Variants in WFS1 observed in about 807,000 individuals in gnomAD.
WFS1 encodes the protein wolframin ER transmembrane glycoprotein, also known as wolframin.
In WFS1, 90 loss-of-function variants were observed where a neutral mutation model predicts 68.5. The observed-to-expected ratio is 1.31, with a 90% CI of 1.11 to 1.56. The LOEUF is 1.56. Ranked by LOEUF, WFS1 falls within the 40% of genes most tolerant of loss-of-function variation. WFS1 has a pLI of 0.00. For synonymous variants in WFS1, 860 were observed against 540.7 expected (o/e 1.59, Z -8.19); for missense variants, 1,767 against 1,232.6 (o/e 1.43, Z -6.49).
intron 2 of WFS1, among the ~76,000 whole-genome samples, chr4:6,286,634 G>A (rs1730315575): frequency 6.6e-6 from 1 of 152,214 alleles, no homozygotes. Context: ...GTTTTTGTTG[G>A]TACAATCATG....
In WFS1 at chr4:6,275,552, T is replaced by C. The variant is rs1323305335; in HGVS notation, c.-5-1899T>C. On this transcript the variant is annotated intron_variant, in intron 1 of 7. Transcript: ENST00000226760. ...TGCACCTGGGGGATGCACCCGGGGG[T>C]GCTTGACCATGCATGGTTTGCACCT... Among the ~76,000 whole-genome samples, 4 of 68,024 alleles carry C rather than the reference T, an allele frequency of 5.9e-5. No homozygotes were observed. The Admixed American group carries it at 7.2e-4, about 12-fold the overall frequency. The allele number at this position is 68,024 out of a possible 152,430, so 44.6% of individuals were successfully genotyped here. A position where few individuals can be genotyped will look rare whatever the true frequency, so the allele number is the denominator to read the frequency against.
chr4:6,287,195 C>T lies in WFS1; in HGVS notation c.315+20C>T, dbSNP rs1387024603. ...ACTGAGGTGAGGACTGCGGTGCCGG[C>T]AGGGACTTCGGGACGCGGCCCCCGG... On this transcript the variant is annotated intron_variant, in intron 3 of 7. Transcript: ENST00000226760. This position sits in a 1 kb window ranked among gnomAD's most constrained non-coding sequence, Gnocchi z 6.4. The T allele has an allele frequency of 1.3e-6, 2 of 1,551,230 alleles. No homozygotes were observed. Among genetic ancestry groups the T allele is most frequent in the African/African-American group, 2.7e-5 (2 of 73,320 alleles).
At chr4:6,270,178 G>C (rs138137996) in intron 1 of WFS1, among the ~76,000 whole-genome samples, 164 bp downstream of exon 1, 1 of 152,054 alleles carries the variant, frequency 6.6e-6, no homozygotes, top group African/African-American at 2.4e-5. Flanking sequence ...TTGGAGGGCC[G>C]GGGGTCCCGC....
rs764127854 is a variant in WFS1, at chr4:6,302,342, C to G, written c.2547C>G (p.Asn849Lys). Residue 849 changes from asparagine to lysine, a missense_variant, in exon 8 of 8, where the codon AAC becomes AAG. Asn to Lys is a moderately conservative substitution (Grantham distance 94). Transcript: ENST00000226760. Reference sequence around the variant, plus strand: ...AGCTCAAGGCCATCAGCTGCCTCAACTGCATGGCCCAGCTCTCACCCACCA... The same window carrying G: ...AGCTCAAGGCCATCAGCTGCCTCAAGTGCATGGCCCAGCTCTCACCCACCA... ...VFELKAISCL[N>K]CMAQLSPTRR... The G allele has an allele frequency of 1.2e-6, 2 of 1,612,720 alleles. No individual in the cohort carries two copies. The highest frequency in any genetic ancestry group is 2.2e-5 in the East Asian group (1 of 44,896).
At chr4:6,292,301 G>T (rs1199322114) in intron 6 of WFS1, among the ~76,000 whole-genome samples, 1 of 152,134 alleles carries the variant, frequency 6.6e-6, no homozygotes, top group African/African-American at 2.4e-5. Flanking sequence ...CTTGGACAAG[G>T]AAATACTGGG....
intron 1 of WFS1, among the ~76,000 whole-genome samples, chr4:6,271,161 G>C (rs4234726): frequency 0.8 from 122,013 of 152,254 alleles, 49,741 homozygotes; most frequent in East Asian, 1. Flanking sequence ...TGTCACTGTC[G>C]CCACCTGTTT....
chr4:6,303,035 C>G lies in WFS1; in HGVS notation c.*567C>G, dbSNP rs12508118. On this transcript the variant is annotated 3_prime_UTR_variant, in exon 8 of 8. Transcript: ENST00000226760. ...GGCGGCACATTGGCAGTGTGTCACA[C>G]TGAGCTGGGCACCACAGGCTGCCTC... 4,299 of 163,634 alleles carry G rather than the reference C, an allele frequency of 0.026. 88 individuals are homozygous for G. The highest frequency in any genetic ancestry group is 0.035 in the Non-Finnish European group (2,600 of 73,764). The allele number at this position is 163,634 out of a possible 1,614,324, so 10.1% of individuals were successfully genotyped here. A position where few individuals can be genotyped will look rare whatever the true frequency, so the allele number is the denominator to read the frequency against.
At chr4:6,294,901 G>A (rs370673781) in intron 6 of WFS1, 140 bp from the exon 7 acceptor site, 3 of 1,438,398 alleles carry the variant, frequency 2.1e-6, no homozygotes, top group Non-Finnish European at 2.9e-6. Context: ...GCCGCCCAGG[G>A]AAGGGTTTCC....
intron 7 of WFS1, among the ~76,000 whole-genome samples, chr4:6,299,676 T>TGAA (rs1730783602): frequency 4.5e-5 from 3 of 65,954 alleles, no homozygotes; most frequent in African/African-American, 6.2e-5. Flanking sequence ...GGTGGGTTGT[T>TGAA]TGCGGGTAGG....
rs773950660 is a variant in WFS1, at chr4:6,301,636, C to G, written c.1841C>G (p.Thr614Ser). 3 of 1,614,078 alleles carry G rather than the reference C, an allele frequency of 1.9e-6. No homozygotes were observed. The highest frequency in any genetic ancestry group is 2.5e-6 in the Non-Finnish European group (3 of 1,179,996). ...CSVPLLLRWW[T>S]KASFSVVGMV... ...GTGCCCCTGCTGTTGCGCTGGTGGACCAAGGCCAGCTTCTCTGTGGTGGGG... is the reference window on the plus strand; with the variant it reads ...GTGCCCCTGCTGTTGCGCTGGTGGAGCAAGGCCAGCTTCTCTGTGGTGGGG... The change falls in exon 8 of 8, where the codon ACC (threonine) becomes AGC (serine). Residue 614 changes from threonine (T) to serine (S), a missense_variant. Thr to Ser is a moderately conservative substitution (Grantham distance 58, BLOSUM62 1). Coordinates refer to ENST00000226760, the MANE Select transcript of WFS1 (RefSeq NM_006005.3).
chr4:6,276,739 CAG>C (rs1329139663), intron 1 of WFS1, among the ~76,000 whole-genome samples: 1 of 152,232 alleles, frequency 6.6e-6, no homozygotes, highest in Non-Finnish European at 1.5e-5. Context: ...CTTAAAACAA[CAG>C]AGGTTTGTTC....
At chr4:6,270,133 T>C (rs1257952697) in intron 1 of WFS1, 119 bp downstream of exon 1, 1 of 152,212 alleles carries the variant, frequency 6.6e-6, no homozygotes, top group African/African-American at 2.4e-5. Context: ...AGCTGATGGG[T>C]GGCTGGCCCC....
Position 6,302,885 on chromosome 4 carries a change from A to C in WFS1, c.*417A>C, listed in dbSNP as rs1326967233. The C allele has an allele frequency of 1.6e-5, 4 of 246,690 alleles. No individual in the cohort carries two copies. Among genetic ancestry groups the C allele is most frequent in the Non-Finnish European group, 3.2e-5 (4 of 126,666 alleles). 15.3% of individuals were successfully genotyped at this position (246,690 alleles called of 1,614,324 possible). On this transcript the variant is annotated 3_prime_UTR_variant, in exon 8 of 8. Coordinates refer to ENST00000226760, the MANE Select transcript of WFS1 (RefSeq NM_006005.3). Reference sequence around the variant, plus strand: ...AAATAAGCATCTGTGTAACCTCCACAGTAGCATTTCTTATTTGTTTGGTCA... The same window carrying C: ...AAATAAGCATCTGTGTAACCTCCACCGTAGCATTTCTTATTTGTTTGGTCA...
intron 1 of WFS1, among the ~76,000 whole-genome samples, chr4:6,275,808 C>T (rs1729977449): frequency 6.6e-6 from 1 of 152,180 alleles, no homozygotes; most frequent in African/African-American, 2.4e-5. Flanking sequence ...CTCTTCCAGT[C>T]ACAGCTGCCC....
chr4:6,279,631 C>T (rs1388391516), intron 2 of WFS1, among the ~76,000 whole-genome samples: 16 of 152,278 alleles, frequency 1.1e-4, no homozygotes, highest in East Asian at 9.7e-4. Context: ...TCCTGCCCTC[C>T]GGGAGCCCTG....
intron 6 of WFS1, 75 bp from the exon 7 acceptor site, chr4:6,294,966 A>G (rs1191721015): frequency 1.9e-6 from 3 of 1,609,288 alleles, no homozygotes; most frequent in Non-Finnish European, 2.5e-6. Context: ...CACCGTCCCC[A>G]GCCCATTGCT....
At chr4:6,300,610 T>TG (rs770968147) in intron 7 of WFS1, 47 bp from the exon 8 acceptor site, 41 of 1,612,640 alleles carry the variant, frequency 2.5e-5, no homozygotes, top group South Asian at 2.5e-4. Flanking sequence ...ATGGGAGCAG[T>TG]GGGGGTCCTG....
intron 1 of WFS1, among the ~76,000 whole-genome samples, chr4:6,275,926 TC>T (rs1271572802): frequency 3.3e-5 from 5 of 152,144 alleles, no homozygotes; most frequent in Non-Finnish European, 5.9e-5. Context: ...GTGTCTGGTC[TC>T]ACTGGTCCTC....
chr4:6,286,954 G>C (rs1730327414), intron 2 of WFS1, 139 bp from the exon 3 acceptor site: 3 of 793,246 alleles, frequency 3.8e-6, no homozygotes, highest in East Asian at 2.7e-5. Context: ...CTGTGTCTGT[G>C]TCTCTCTGTA....
Sources: gnomAD v4.1 joint callset for allele counts (sites outside exome capture counted in the v4.1 genomes callset) on GRCh38, gnomAD v4.1.1 for gene constraint, Gnocchi (gnomAD v3.1) non-coding constraint, MANE v1.5 for transcripts, NCBI Gene and HGNC (gene_info 2026-07-23, HGNC 2026-07-21) for gene names.